ANKS1B: variants seen among roughly 807,000 people sequenced by gnomAD.
The protein encoded by ANKS1B is ankyrin repeat and sterile alpha motif domain containing 1B.
Under a neutral mutation model 148.3 loss-of-function variants are expected in ANKS1B, and 36 were observed. The ratio of observed to expected loss-of-function variants is 0.24; its 90% confidence interval spans 0.19 to 0.32. The LOEUF (loss-of-function observed/expected upper bound fraction) is 0.32. Ranked by LOEUF, ANKS1B falls within the 10% of genes least tolerant of loss-of-function variation. The probability of loss-of-function intolerance (pLI) is 1.00; values close to 1 mark genes in which losing one functional copy is unlikely to be tolerated. For synonymous variants in ANKS1B, 542 were observed against 560.8 expected (o/e 0.97, Z 0.47); for missense variants, 1,157 against 1,542.6 (o/e 0.75, Z 4.19).
chr12:99,453,268 T>C (rs762767207), intron 10 of ANKS1B, among the ~76,000 whole-genome samples: 19 of 151,646 alleles, frequency 1.3e-4, no homozygotes, highest in Non-Finnish European at 2.4e-4. Context: ...CCAGCCTGGG[T>C]GACAGAGCGA....
intron 9 of ANKS1B, among the ~76,000 whole-genome samples, chr12:99,593,218 G>A (rs1396050188): frequency 6.6e-6 from 1 of 151,860 alleles, no homozygotes; most frequent in East Asian, 1.9e-4. Context: ...GCCAAGAGGA[G>A]AGGTCCATTC....
intron 9 of ANKS1B, among the ~76,000 whole-genome samples, chr12:99,585,097 T>C (rs889559907): frequency 6.6e-6 from 1 of 152,070 alleles, no homozygotes; most frequent in African/African-American, 2.4e-5. Flanking sequence ...CAGTCCAAAG[T>C]CTCATCTGAG....
At chr12:99,645,578 G>C (rs2098353968) in intron 9 of ANKS1B, among the ~76,000 whole-genome samples, 1 of 152,088 alleles carries the variant, frequency 6.6e-6, no homozygotes, top group Non-Finnish European at 1.5e-5. Flanking sequence ...AGAGGAGAGA[G>C]TATATAAATT....
chr12:99,560,281 G>A (rs149780831), intron 9 of ANKS1B, among the ~76,000 whole-genome samples: 4 of 151,826 alleles, frequency 2.6e-5, no homozygotes, highest in African/African-American at 9.7e-5. Context: ...ATTATCTAAT[G>A]TTCACTTGAG....
intron 10 of ANKS1B, among the ~76,000 whole-genome samples, chr12:99,486,650 G>A (rs1469663586): frequency 6.6e-6 from 1 of 152,144 alleles, no homozygotes; most frequent in Non-Finnish European, 1.5e-5. Context: ...GGTGGCTGGA[G>A]GAGCTCACAG....
chr12:99,215,493 T>C (rs112993951), intron 14 of ANKS1B, among the ~76,000 whole-genome samples: 2,018 of 152,256 alleles, frequency 0.013, 40 homozygotes, highest in African/African-American at 0.046. Flanking sequence ...AACACCAGCC[T>C]GTGAAAGCAG....
chr12:99,134,610 CT>C (rs2067252024), intron 15 of ANKS1B, among the ~76,000 whole-genome samples: 1 of 151,210 alleles, frequency 6.6e-6, no homozygotes, highest in Non-Finnish European at 1.5e-5. Flanking sequence ...CTGTTTCTCT[CT>C]GTCTCTATCC....
chr12:99,015,120 A>C (rs989488437), intron 17 of ANKS1B, among the ~76,000 whole-genome samples: 2 of 152,256 alleles, frequency 1.3e-5, no homozygotes, highest in Admixed American at 6.5e-5. Flanking sequence ...ACATGGAATC[A>C]ACCTAAATGC....
At chr12:99,048,184 G>T (rs1342215604) in intron 17 of ANKS1B, among the ~76,000 whole-genome samples, 1 of 152,094 alleles carries the variant, frequency 6.6e-6, no homozygotes, top group African/African-American at 2.4e-5. Flanking sequence ...GAGGAAATTT[G>T]GAATGTTTTA....
chr12:98,800,705 T>TATATATATATATATATATATA (rs2098997931), intron 21 of ANKS1B, among the ~76,000 whole-genome samples: 1 of 148,836 alleles, frequency 6.7e-6, no homozygotes, highest in African/African-American at 2.5e-5. Context: ...ATATTTACAC[T>TATATATATATATATATATATA]CATTTCCATT....
chr12:99,560,455 T>A (rs533176255), intron 9 of ANKS1B, among the ~76,000 whole-genome samples: 1 of 152,312 alleles, frequency 6.6e-6, no homozygotes, highest in African/African-American at 2.4e-5. Context: ...ATCCATTTCT[T>A]TCTCTTGTTC....
chr12:99,440,713 G>C (rs185515318), intron 11 of ANKS1B, among the ~76,000 whole-genome samples: 1 of 151,884 alleles, frequency 6.6e-6, no homozygotes, highest in Non-Finnish European at 1.5e-5. Flanking sequence ...AATTAACTAA[G>C]CAGAAACACA....
At chr12:99,593,279 C>T (rs1376667342) in intron 9 of ANKS1B, among the ~76,000 whole-genome samples, 2 of 151,802 alleles carry the variant, frequency 1.3e-5, no homozygotes, top group African/African-American at 2.4e-5. Flanking sequence ...GTTTACAGTC[C>T]TCATGAAGTA....
At chr12:99,715,956 G>A (rs2057262738) in intron 8 of ANKS1B, among the ~76,000 whole-genome samples, 1 of 152,176 alleles carries the variant, frequency 6.6e-6, no homozygotes, top group African/African-American at 2.4e-5. Flanking sequence ...TTCCCTTCAT[G>A]TTTAATCATT....
chr12:99,810,342 T>C (rs1432872805), intron 3 of ANKS1B, among the ~76,000 whole-genome samples: 1 of 152,020 alleles, frequency 6.6e-6, no homozygotes, highest in East Asian at 1.9e-4. Flanking sequence ...TTATTTCCTT[T>C]ATTGTTTAAA....
intron 25 of ANKS1B, among the ~76,000 whole-genome samples, chr12:98,757,860 C>G (rs542971005): frequency 1.3e-5 from 2 of 152,066 alleles, no homozygotes; most frequent in South Asian, 2.1e-4. Context: ...ACATTTATTA[C>G]GGCGATTGGT....
chr12:99,445,882 T>G (rs2095629472), intron 10 of ANKS1B, among the ~76,000 whole-genome samples: 1 of 151,820 alleles, frequency 6.6e-6, no homozygotes, highest in Admixed American at 6.6e-5. Flanking sequence ...TTACCACATC[T>G]GGCTAATTTT....
At chr12:98,837,261 C>T (rs1037012851) in intron 17 of ANKS1B, among the ~76,000 whole-genome samples, 6 of 150,720 alleles carry the variant, frequency 4.0e-5, no homozygotes, top group African/African-American at 7.3e-5. Context: ...CACTTGAACC[C>T]GGGAGGTGGA....
At chr12:99,184,809 A>C (rs996783801) in intron 14 of ANKS1B, among the ~76,000 whole-genome samples, 1 of 152,192 alleles carries the variant, frequency 6.6e-6, no homozygotes, top group Non-Finnish European at 1.5e-5. Flanking sequence ...ACCTTAGTTA[A>C]ATTACTTAGT....
Sources: gnomAD v4.1 joint callset for allele counts (sites outside exome capture counted in the v4.1 genomes callset) on GRCh38, gnomAD v4.1.1 for gene constraint, MANE v1.5 for transcripts, NCBI Gene and HGNC (gene_info 2026-07-23, HGNC 2026-07-21) for gene names.